The following C15orf61 variants were observed in gnomAD, a reference collection of about 807,000 sequenced individuals.
The protein encoded by C15orf61 is uncharacterized protein C15orf61.
A neutral mutation model predicts 13.7 loss-of-function variants in C15orf61; 12 were observed. The ratio of observed to expected loss-of-function variants is 0.88; its 90% CI spans 0.56 to 1.42. The LOEUF (loss-of-function observed/expected upper bound fraction) is 1.42. C15orf61 is among the 40% of genes most tolerant of loss of function. C15orf61 has a pLI of 0.00. For missense variants in C15orf61, 248 were observed against 213.2 expected, an observed-to-expected ratio of 1.16 and a Z score of -1.02; for synonymous variants, 92 against 94.1, an observed-to-expected ratio of 0.98 and a Z score of 0.13.
Position 67,526,527 on chromosome 15 carries a change from T to C in C15orf61, c.456T>C (p.Asp152=). The C allele has an allele frequency of 6.5e-7, 1 of 1,537,306 alleles. No homozygotes were observed. Among genetic ancestry groups the C allele is most frequent in the Non-Finnish European group, 8.8e-7 (1 of 1,139,844 alleles). Residue 152 remains aspartate, a synonymous_variant, in exon 2 of 2, where the codon GAT becomes GAC. Coordinates refer to ENST00000342683, the MANE Select transcript of C15orf61 (RefSeq NM_001143936.2). Reference sequence around the variant, plus strand: ...CAGTTTATTTTCTCAATAAAGAAGATGAAGGTGCCATGTATTGAAAGTGTG... The same window carrying C: ...CAGTTTATTTTCTCAATAAAGAAGACGAAGGTGCCATGTATTGAAAGTGTG... ...PITVYFLNKE[D]EGAMY is the part of the protein sequence containing the mutation.
At position 67,525,849 on chromosome 15, in the gene C15orf61, T is replaced by C. The variant is rs2084195770; in HGVS notation, c.347-569T>C. Among the ~76,000 whole-genome samples, 1 of 152,092 alleles carries C rather than the reference T, an allele frequency of 6.6e-6. No individual in the cohort carries two copies. The highest frequency in any genetic ancestry group is 2.4e-5 in the African/African-American group (1 of 41,410). ...CAACATGGTGAAACCCCATCTCTAC[T>C]AAAAAAGTACAAAAATTATCTGAGC... On this transcript the variant is annotated intron_variant, in intron 1 of 1. Coordinates refer to ENST00000342683, the MANE Select transcript of C15orf61 (RefSeq NM_001143936.2). This position sits in a 1 kb window ranked among gnomAD's most constrained non-coding sequence, Gnocchi z 4.9.
Position 67,521,140 on chromosome 15 carries a change from G to C in C15orf61, c.-109G>C. The C allele has an allele frequency of 6.1e-6, 4 of 650,636 alleles. No individual in the cohort carries two copies. Among genetic ancestry groups the C allele is most frequent in the South Asian group, 7.2e-5 (1 of 13,794 alleles). 40.3% of individuals were successfully genotyped at this position (650,636 alleles called of 1,614,324 possible). A position where few individuals can be genotyped will look rare whatever the true frequency, so the allele number is the denominator to read the frequency against. ...GCGCACGCGCCGCCGCACACCGGGG[G>C]CTCTCGGGCACCCGCGCGGCGCCGG... On this transcript the variant is annotated 5_prime_UTR_variant, in exon 1 of 2. Coordinates refer to ENST00000342683, the MANE Select transcript of C15orf61 (RefSeq NM_001143936.2).
chr15:67,521,471 G>C lies in C15orf61; in HGVS notation c.223G>C (p.Ala75Pro). The change falls in exon 1 of 2, where the codon GCC becomes CCC. Residue 75 changes from alanine to proline, a missense_variant. By Grantham distance (27) the Ala-to-Pro change is conservative (BLOSUM62 -1). Coordinates refer to ENST00000342683, the MANE Select transcript of C15orf61 (RefSeq NM_001143936.2). ...LSHFNWPVQG[A>P]NYHVLRTGCF... is the part of the protein sequence containing the mutation. ...GCACTTCAACTGGCCGGTGCAGGGCGCCAACTACCACGTCCTGCGCACCGG... is the reference window on the plus strand; with the variant it reads ...GCACTTCAACTGGCCGGTGCAGGGCCCCAACTACCACGTCCTGCGCACCGG... 1.9e-6 allele frequency: 3 copies of C among 1,548,204 alleles called. No homozygotes were observed. Among genetic ancestry groups the C allele is most frequent in the Non-Finnish European group, 2.6e-6 (3 of 1,146,726 alleles).
At chr15:67,522,924 C>CCTCT (rs1164907784) in intron 1 of C15orf61, among the ~76,000 whole-genome samples, 6 of 152,104 alleles carry the variant, frequency 3.9e-5, no homozygotes, top group Non-Finnish European at 7.4e-5. Context: ...TGATTAGGGG[C>CCTCT]CTCTCTTTTA....
Position 67,521,172 on chromosome 15 carries a change from T to C in C15orf61, c.-77T>C. The C allele has an allele frequency of 9.6e-7, 1 of 1,037,430 alleles. No individual in the cohort carries two copies. 64.3% of individuals were successfully genotyped at this position (1,037,430 alleles called of 1,614,324 possible). ...GGCACCCGCGCGGCGCCGGTTGGCC[T>C]TCCCGGCGCTCGCCCGGGGGCGCGC... On this transcript the variant is annotated 5_prime_UTR_variant, in exon 1 of 2. Coordinates refer to ENST00000342683, the MANE Select transcript of C15orf61 (RefSeq NM_001143936.2).
Position 67,527,259 on chromosome 15 carries a change from A to G in C15orf61, c.*714A>G, listed in dbSNP as rs1002716205. ...GCTGTAAGAACAATTAAGATCTTCT[A>G]GAAAGATGCAGAAAAATAAATTTGG... is the stretch of plus-strand genomic sequence containing the variant. On this transcript the variant is annotated 3_prime_UTR_variant, in exon 2 of 2. Transcript: ENST00000342683. 6.6e-6 allele frequency: 1 copy of G among 152,336 alleles called. No homozygotes were observed. The highest frequency in any genetic ancestry group is 1.9e-4 in the East Asian group (1 of 5,194). 9.4% of individuals were successfully genotyped at this position (152,336 alleles called of 1,614,324 possible). A position where few individuals can be genotyped will look rare whatever the true frequency, so the allele number is the denominator to read the frequency against.
intron 1 of C15orf61, chr15:67,522,344 T>G: frequency 1.5e-6 from 1 of 659,978 alleles, no homozygotes; most frequent in Non-Finnish European, 2.7e-6. Flanking sequence ...TCAATCTAGA[T>G]TTCAGTGATT....
chr15:67,524,896 G>T (rs180927439), intron 1 of C15orf61, among the ~76,000 whole-genome samples: 63 of 149,916 alleles, frequency 4.2e-4, no homozygotes, highest in African/African-American at 1.5e-3. Context: ...GAGTGCAGTG[G>T]TGTGATCTCG....
Position 67,525,583 on chromosome 15 carries a change from T to G in C15orf61, c.347-835T>G, listed in dbSNP as rs1328145115. Among the ~76,000 whole-genome samples the G allele has an allele frequency of 6.6e-6, 1 of 152,212 alleles. No homozygotes were observed. Among genetic ancestry groups the G allele is most frequent in the South Asian group, 2.1e-4 (1 of 4,828 alleles). On this transcript the variant is annotated intron_variant, in intron 1 of 1. Coordinates refer to ENST00000342683, the MANE Select transcript of C15orf61 (RefSeq NM_001143936.2). The surrounding 1 kb of genome is among the most constrained non-coding windows in gnomAD (Gnocchi z 4.9). Reference sequence around the variant, plus strand: ...AATTGAAAAAATGCTAATAATAGTTTTTTTTCTCATGCCTGTTGTACTGAA... The same window carrying G: ...AATTGAAAAAATGCTAATAATAGTTGTTTTTCTCATGCCTGTTGTACTGAA...
Position 67,521,576 on chromosome 15 carries a change from C to G in C15orf61, c.328C>G (p.Leu110Val). 2.6e-6 allele frequency: 4 copies of G among 1,534,002 alleles called. No individual in the cohort carries two copies. Among genetic ancestry groups the G allele is most frequent in the Non-Finnish European group, 3.5e-6 (4 of 1,136,136 alleles). Residue 110 changes from leucine to valine, a missense_variant, in exon 1 of 2, where the codon CTC becomes GTC. Transcript: ENST00000342683. ...CCGGCAGAACCGCTTCTTCACGGCG[C>G]TCAAGGTCGTCAACCTCGGTGAGTG... ...LARQNRFFTA[L>V]KVVNLGIPTL...
In C15orf61 at chr15:67,521,252, G is replaced by T; in HGVS notation, c.4G>T (p.Glu2Ter). 7.8e-7 allele frequency: 1 copy of T among 1,276,522 alleles called. No homozygotes were observed. Among genetic ancestry groups the T allele is most frequent in the Non-Finnish European group, 9.9e-7 (1 of 1,010,670 alleles). The allele number at this position is 1,276,522 out of a possible 1,614,324, so 79.1% of individuals were successfully genotyped here. Residue 2 changes from glutamate to a stop codon, truncating the protein, a stop_gained, in exon 1 of 2, where the codon GAG (glutamate) becomes TAG (stop). Transcript: ENST00000342683. LOFTEE classifies it high-confidence loss of function. M[E>*]ALRRAHEVAL... is the part of the protein sequence containing the mutation. Reference sequence around the variant, plus strand: ...TGCGTCCCCGGCGCGGCGGGCCATGGAGGCCCTGAGGAGGGCCCACGAGGT... The same window carrying T: ...TGCGTCCCCGGCGCGGCGGGCCATGTAGGCCCTGAGGAGGGCCCACGAGGT...
rs1435234262 is a variant in C15orf61, at chr15:67,525,560, T to C, written c.347-858T>C. 6.6e-6 allele frequency among the ~76,000 whole-genome samples: 1 copy of C among 152,216 alleles called. No homozygotes were observed. Among genetic ancestry groups the C allele is most frequent in the African/African-American group, 2.4e-5 (1 of 41,450 alleles). ...TGAAATGAGGTTGTTTTCAGATCAA[T>C]TGAAAAAATGCTAATAATAGTTTTT... On this transcript the variant is annotated intron_variant, in intron 1 of 1. Coordinates refer to ENST00000342683, the MANE Select transcript of C15orf61 (RefSeq NM_001143936.2). This position sits in a 1 kb window ranked among gnomAD's most constrained non-coding sequence, Gnocchi z 4.9.
chr15:67,526,610 T>C lies in C15orf61; in HGVS notation c.*65T>C. ...CTGTGTATATGTGCAGTATTTATTT[T>C]TGATCCTTTAAAATAAAACTTTTGC... is the stretch of plus-strand genomic sequence containing the variant. On this transcript the variant is annotated 3_prime_UTR_variant, in exon 2 of 2. Transcript: ENST00000342683. 1.5e-6 allele frequency: 2 copies of C among 1,360,744 alleles called. No individual in the cohort carries two copies. The highest frequency in any genetic ancestry group is 2.7e-5 in the East Asian group (1 of 36,744). 84.3% of individuals were successfully genotyped at this position (1,360,744 alleles called of 1,614,324 possible). A position where few individuals can be genotyped will look rare whatever the true frequency, so the allele number is the denominator to read the frequency against.
intron 1 of C15orf61, chr15:67,522,005 G>GCATCACT: frequency 1.4e-6 from 1 of 697,626 alleles, no homozygotes; most frequent in Non-Finnish European, 2.6e-6. Context: ...CTGCGTTTAT[G>GCATCACT]TTGCAATAAC....
rs1000990649 is a variant in C15orf61 at position 67,525,660 on chromosome 15, C to T, written c.347-758C>T. ...TAGATTTTAAAGACAGCTCTTTGAC[C>T]GAGCTTCTTTTAAGTTGTACAAAAA... On this transcript the variant is annotated intron_variant, in intron 1 of 1. Transcript: ENST00000342683. This position sits in a 1 kb window ranked among gnomAD's most constrained non-coding sequence, Gnocchi z 4.9. Among the ~76,000 whole-genome samples, 7 of 152,078 alleles carry T rather than the reference C, an allele frequency of 4.6e-5. No homozygotes were observed. In the South Asian group the frequency reaches 1.2e-3, roughly 27 times the overall value.
At position 67,526,719 on chromosome 15, in the gene C15orf61, A is replaced by G. The variant is rs2084200953; in HGVS notation, c.*174A>G. The stretch of plus-strand genomic sequence containing the variant: ...GGTGAAGCTTTTTATACATCGTTAT[A>G]TATTACATACTCTGTTTAGCTGATG... On this transcript the variant is annotated 3_prime_UTR_variant, in exon 2 of 2. Transcript: ENST00000342683. 1.7e-5 allele frequency: 9 copies of G among 543,574 alleles called. No homozygotes were observed. The highest frequency in any genetic ancestry group is 2.7e-5 in the Non-Finnish European group (9 of 333,262). The allele number at this position is 543,574 out of a possible 1,614,324, so 33.7% of individuals were successfully genotyped here.
Position 67,521,269 on chromosome 15 carries a change from C to G in C15orf61, c.21C>G (p.Ala7=). 7.0e-7 allele frequency: 1 copy of G among 1,429,836 alleles called. No homozygotes were observed. Among genetic ancestry groups the G allele is most frequent in the East Asian group, 2.8e-5 (1 of 36,250 alleles). The allele number at this position is 1,429,836 out of a possible 1,614,324, so 88.6% of individuals were successfully genotyped here. A position where few individuals can be genotyped will look rare whatever the true frequency, so the allele number is the denominator to read the frequency against. ...GGGCCATGGAGGCCCTGAGGAGGGC[C>G]CACGAGGTCGCGCTCCGCCTGCTGC... is the stretch of plus-strand genomic sequence containing the variant. MEALRR[A]HEVALRLLLC... is the part of the protein sequence containing the mutation. The change falls in exon 1 of 2, where the codon GCC becomes GCG. Residue 7 remains alanine (A), a synonymous_variant. Transcript: ENST00000342683.
Position 67,521,589 on chromosome 15 carries a change from A to C in C15orf61, c.341A>C (p.Asn114Thr), listed in dbSNP as rs957939411. Residue 114 changes from asparagine (N) to threonine (T), a missense_variant, in exon 1 of 2, where the codon AAC becomes ACC. Transcript: ENST00000342683. ...NRFFTALKVV[N>T]LGIPTLLYGL... ...TTCTTCACGGCGCTCAAGGTCGTCA[A>C]CCTCGGTGAGTGGCGACTGCCGCGC... 1 of 1,523,992 alleles carries C rather than the reference A, an allele frequency of 6.6e-7. No individual in the cohort carries two copies. The highest frequency in any genetic ancestry group is 1.2e-5 in the South Asian group (1 of 82,988). The allele number at this position is 1,523,992 out of a possible 1,614,324, so 94.4% of individuals were successfully genotyped here.
At position 67,521,266 on chromosome 15, in the gene C15orf61, G is replaced by A; in HGVS notation, c.18G>A (p.Arg6=). Residue 6 remains arginine, a synonymous_variant, in exon 1 of 2, where the codon AGG becomes AGA. Coordinates refer to ENST00000342683, the MANE Select transcript of C15orf61 (RefSeq NM_001143936.2). MEALR[R]AHEVALRLLL... is the part of the protein sequence containing the mutation. ...GGCGGGCCATGGAGGCCCTGAGGAG[G>A]GCCCACGAGGTCGCGCTCCGCCTGC... The A allele has an allele frequency of 3.6e-6, 5 of 1,407,706 alleles. No homozygotes were observed. Among genetic ancestry groups the A allele is most frequent in the Non-Finnish European group, 4.6e-6 (5 of 1,082,502 alleles). The allele number at this position is 1,407,706 out of a possible 1,614,324, so 87.2% of individuals were successfully genotyped here. A position where few individuals can be genotyped will look rare whatever the true frequency, so the allele number is the denominator to read the frequency against.
Sources: gnomAD v4.1 joint callset for allele counts (sites outside exome capture counted in the v4.1 genomes callset) on GRCh38, gnomAD v4.1.1 for gene constraint, Gnocchi (gnomAD v3.1) non-coding constraint, MANE v1.5 for transcripts, NCBI Gene and HGNC (gene_info 2026-07-23, HGNC 2026-07-21) for gene names.